NAV3: variants seen among roughly 807,000 people sequenced by gnomAD.
NAV3 encodes the protein pore membrane and/or filament interacting like protein 1.
A neutral mutation model predicts 244.7 loss-of-function variants in NAV3; 87 were observed. The observed-to-expected ratio is 0.36, with a 90% CI of 0.30 to 0.42. The LOEUF is 0.42. NAV3 is among the 20% of genes least tolerant of loss of function. The pLI is 1.00. For missense variants in NAV3, 2,663 were observed against 2,893.3 expected, an observed-to-expected ratio of 0.92 and a Z score of 1.83; for synonymous variants, 1,126 against 1,042.2, an observed-to-expected ratio of 1.08 and a Z score of -1.55.
rs1873699641 is a variant in NAV3, at chr12:77,831,575, T to C, written c.114T>C (p.Ser38=). Residue 38 remains serine, a synonymous_variant, in exon 1 of 40, where the codon TCT becomes TCC. Coordinates refer to ENST00000397909, the MANE Select transcript of NAV3 (RefSeq NM_001024383.2). ...NLGTTGSQHC[S]SRPLELTETE... is the part of the protein sequence containing the mutation. ...GCACTACTGGGTCACAGCACTGTTC[T>C]TCAAGACCTTTGGAACTTACTGAAA... The C allele has an allele frequency of 6.2e-7, 1 of 1,614,000 alleles. No individual in the cohort carries two copies. The highest frequency in any genetic ancestry group is 1.7e-5 in the Admixed American group (1 of 59,996).
intron 2 of NAV3, among the ~76,000 whole-genome samples, chr12:77,685,506 C>CACACACACACACACACACAT: frequency 6.6e-6 from 1 of 150,724 alleles, no homozygotes; most frequent in African/African-American, 2.4e-5. Context: ...CACACACACA[C>CACACACACACACACACACAT]ATACCCACAC....
At chr12:77,988,752 T>C (rs1386228856) in intron 5 of NAV3, among the ~76,000 whole-genome samples, 1 of 152,162 alleles carries the variant, frequency 6.6e-6, no homozygotes, top group African/African-American at 2.4e-5. Context: ...TCTGACTCAG[T>C]TTATTTTCCC....
At chr12:77,574,030 A>G (rs955255181) in intron 2 of NAV3, among the ~76,000 whole-genome samples, 3 of 152,174 alleles carry the variant, frequency 2.0e-5, no homozygotes, top group African/African-American at 7.2e-5. Context: ...TACTAATAGT[A>G]ATAGAATTTA....
intron 9 of NAV3, among the ~76,000 whole-genome samples, chr12:78,035,833 A>G (rs1315599443): frequency 3.9e-5 from 6 of 152,192 alleles, no homozygotes. Flanking sequence ...AGATTAGGGA[A>G]GTCTTTCCCT....
intron 18 of NAV3, among the ~76,000 whole-genome samples, chr12:78,136,802 C>T (rs1487011621): frequency 6.6e-6 from 1 of 152,062 alleles, no homozygotes; most frequent in Non-Finnish European, 1.5e-5. Flanking sequence ...TTTGATTTTG[C>T]TTTTTCCATT....
At chr12:77,656,645 C>G (rs1487196775) in intron 2 of NAV3, among the ~76,000 whole-genome samples, 1 of 138,650 alleles carries the variant, frequency 7.2e-6, no homozygotes, top group Non-Finnish European at 1.5e-5. Flanking sequence ...CCCAAATCAA[C>G]AGAATATACA....
intron 2 of NAV3, among the ~76,000 whole-genome samples, chr12:77,791,123 A>T (rs1487609810): frequency 1.3e-5 from 2 of 152,130 alleles, no homozygotes; most frequent in African/African-American, 4.8e-5. Context: ...TGGGAGGCCA[A>T]GGTGGGTGGA....
At chr12:77,992,511 G>A (rs577861499) in intron 5 of NAV3, among the ~76,000 whole-genome samples, 1 of 152,276 alleles carries the variant, frequency 6.6e-6, no homozygotes, top group South Asian at 2.1e-4. Flanking sequence ...AGTTTATTGA[G>A]AGCTGGAGAA....
intron 2 of NAV3, among the ~76,000 whole-genome samples, chr12:77,750,767 G>A (rs1868809970): frequency 6.6e-6 from 1 of 152,046 alleles, no homozygotes; most frequent in Admixed American, 6.6e-5. Context: ...CATTAAAAAG[G>A]GAAAGATAAA....
intron 2 of NAV3, among the ~76,000 whole-genome samples, chr12:77,685,533 A>G (rs1472217694): frequency 1.3e-5 from 2 of 150,842 alleles, no homozygotes. Context: ...CATTGGTTTT[A>G]TATTCCATTT....
intron 2 of NAV3, among the ~76,000 whole-genome samples, chr12:77,798,335 A>G (rs2135963044): frequency 6.6e-6 from 1 of 152,334 alleles, no homozygotes; most frequent in South Asian, 2.1e-4. Context: ...ATTTCCACTA[A>G]TATTTTTTGA....
At chr12:77,830,317 T>C (rs1436655223), upstream of NAV3, among the ~76,000 whole-genome samples, 1 of 152,232 alleles carries the variant, frequency 6.6e-6, no homozygotes, top group Non-Finnish European at 1.5e-5. Context: ...AATCATACAT[T>C]CTTTCCCCCT....
chr12:78,001,062 A>G (rs558366258), intron 7 of NAV3, among the ~76,000 whole-genome samples: 2 of 152,166 alleles, frequency 1.3e-5, no homozygotes, highest in African/African-American at 4.8e-5. Context: ...TTTGAATATG[A>G]AGATTTCTAG....
chr12:78,169,380 T>C lies in NAV3; in HGVS notation c.4981+514T>C, dbSNP rs562299508. ...AACAATAAAAACAACGGGTGAAAGG[T>C]AGCTCTGTTTTAAATTATTCCTATG... On this transcript the variant is annotated intron_variant, in intron 24 of 39. Coordinates refer to ENST00000397909, the MANE Select transcript of NAV3 (RefSeq NM_001024383.2). 6.6e-5 allele frequency among the ~76,000 whole-genome samples: 10 copies of C among 151,826 alleles called. No homozygotes were observed. In the Admixed American group the frequency reaches 6.6e-4, roughly 10 times the overall value.
intron 9 of NAV3, among the ~76,000 whole-genome samples, chr12:78,045,696 T>A (rs1881668222): frequency 6.6e-6 from 1 of 152,192 alleles, no homozygotes; most frequent in African/African-American, 2.4e-5. Context: ...AATTTTCTTT[T>A]TCTGTTGTGT....
intron 1 of NAV3, among the ~76,000 whole-genome samples, chr12:77,931,116 A>G (rs1888743379): frequency 6.6e-6 from 1 of 151,752 alleles, no homozygotes; most frequent in African/African-American, 2.4e-5. Context: ...TTTTTTTGAC[A>G]CTTGACTTAC....
chr12:78,116,781 C>A lies in NAV3; in HGVS notation c.2646C>A (p.Asp882Glu). The A allele has an allele frequency of 6.3e-7, 1 of 1,596,118 alleles. No individual in the cohort carries two copies. Among genetic ancestry groups the A allele is most frequent in the Non-Finnish European group, 8.6e-7 (1 of 1,168,480 alleles). Residue 882 changes from aspartate to glutamate, a missense_variant, in exon 13 of 40, where the codon GAC becomes GAA. Asp to Glu is a conservative substitution (Grantham distance 45, BLOSUM62 2). Around this residue, in one of 6 missense-constraint regions of NAV3, gnomAD observed 1,521 missense variants for 1,497.0 expected, o/e 1.02. Coordinates refer to ENST00000397909, the MANE Select transcript of NAV3 (RefSeq NM_001024383.2). ...DVTVDADSWDDSSSVSSGLSD... is the reference protein window; with the variant it reads ...DVTVDADSWDESSSVSSGLSD... Reference sequence around the variant, plus strand: ...CATGTCTTGCCTTTAGCTGGGATGACAGCAGTTCAGTGAGCAGTGGTCTCA... The same window carrying A: ...CATGTCTTGCCTTTAGCTGGGATGAAAGCAGTTCAGTGAGCAGTGGTCTCA...
At chr12:77,994,897 G>T in intron 6 of NAV3, 26 bp downstream of exon 6, 3 of 1,482,286 alleles carry the variant, frequency 2.0e-6, no homozygotes, top group South Asian at 2.4e-5. Context: ...CTAATTTATT[G>T]CTTATTAGTG....
chr12:77,723,201 A>G (rs1527792), intron 2 of NAV3, among the ~76,000 whole-genome samples: 103,556 of 151,632 alleles, frequency 0.68, 37,397 homozygotes, highest in East Asian at 0.89. Flanking sequence ...GGTGTGATAT[A>G]CCAAACATTT....
Sources: gnomAD v4.1 joint callset for allele counts (sites outside exome capture counted in the v4.1 genomes callset) on GRCh38, gnomAD v4.1.1 for gene constraint, gnomAD v4.1.1 regional missense constraint, MANE v1.5 for transcripts, NCBI Gene and HGNC (gene_info 2026-07-23, HGNC 2026-07-21) for gene names.